The following MAGI2 variants were observed in gnomAD, a reference collection of about 807,000 sequenced individuals.
The protein encoded by MAGI2 is membrane-associated guanylate kinase, WW and PDZ domain-containing protein 2.
Under a neutral mutation model 133.3 loss-of-function variants are expected in MAGI2, and 35 were observed. The observed-to-expected ratio is 0.26, with a 90% confidence interval of 0.20 to 0.35. The LOEUF is 0.35. Ranked by LOEUF, MAGI2 falls within the 10% of genes least tolerant of loss-of-function variation. The pLI is 1.00. For synonymous variants in MAGI2, 729 were observed against 710.6 expected, an observed-to-expected ratio of 1.03 and a Z score of -0.41; for missense variants, 1,636 against 1,863.4, an observed-to-expected ratio of 0.88 and a Z score of 2.25.
chr7:79,216,289 CTCA>C (rs1226047765), intron 1 of MAGI2, among the ~76,000 whole-genome samples: 1 of 151,918 alleles, frequency 6.6e-6, no homozygotes, highest in Non-Finnish European at 1.5e-5. Flanking sequence ...TTTGTAGCTC[CTCA>C]TCCATCCCAC....
intron 21 of MAGI2, among the ~76,000 whole-genome samples, chr7:78,062,951 C>T (rs1813433932): frequency 6.6e-6 from 1 of 152,182 alleles, no homozygotes; most frequent in Non-Finnish European, 1.5e-5. Context: ...ATTCATTATT[C>T]ACCAACCTTC....
intron 4 of MAGI2, among the ~76,000 whole-genome samples, chr7:78,512,288 G>A (rs1795671524): frequency 6.6e-6 from 1 of 152,214 alleles, no homozygotes; most frequent in Non-Finnish European, 1.5e-5. Flanking sequence ...GGAGATATTA[G>A]AATTAGGGAA....
At chr7:79,057,126 C>T (rs989997281) in intron 1 of MAGI2, among the ~76,000 whole-genome samples, 2 of 152,124 alleles carry the variant, frequency 1.3e-5, no homozygotes, top group African/African-American at 2.4e-5. Flanking sequence ...TAAATATCTG[C>T]CACTTGACAT....
intron 1 of MAGI2, among the ~76,000 whole-genome samples, chr7:79,367,612 GA>G (rs1842780795): frequency 2.0e-5 from 3 of 151,884 alleles, no homozygotes; most frequent in Admixed American, 2.0e-4. Flanking sequence ...TGACTTTATA[GA>G]GTCATGGAAA....
chr7:78,195,162 C>T, intron 11 of MAGI2, 99 bp from the exon 12 acceptor site: 4 of 938,164 alleles, frequency 4.3e-6, no homozygotes, highest in Non-Finnish European at 6.2e-6. Context: ...GTGGACTTTT[C>T]TTCCAGGGGA....
At position 78,019,379 on chromosome 7, in the gene MAGI2, T is replaced by G; in HGVS notation, c.4304A>C (p.Lys1435Thr). 7.6e-7 allele frequency: 1 copy of G among 1,318,650 alleles called. No individual in the cohort carries two copies. The allele number at this position is 1,318,650 out of a possible 1,614,324, so 81.7% of individuals were successfully genotyped here. A position where few individuals can be genotyped will look rare whatever the true frequency, so the allele number is the denominator to read the frequency against. The stretch of plus-strand genomic sequence containing the variant: ...GGGCAGCTTGTCAGAACCCGGCACC[T>G]TCCAGGGCCCCGGCGCGACGGCGGC... Reference protein sequence around the residue: ...RKAAVAPGPWKVPGSDKLPSV... With the variant: ...RKAAVAPGPWTVPGSDKLPSV... The change falls in exon 22 of 22, where the codon AAG becomes ACG. Residue 1435 changes from lysine to threonine, a missense_variant. Coordinates refer to ENST00000354212, the MANE Select transcript of MAGI2 (RefSeq NM_012301.4).
At chr7:79,303,051 A>G (rs1203677436) in intron 1 of MAGI2, among the ~76,000 whole-genome samples, 1 of 152,192 alleles carries the variant, frequency 6.6e-6, no homozygotes, top group Non-Finnish European at 1.5e-5. Context: ...TCCCAAACTT[A>G]GCAAAGTTTG....
chr7:78,472,851 G>T (rs563016241), intron 6 of MAGI2, among the ~76,000 whole-genome samples: 2 of 152,064 alleles, frequency 1.3e-5, no homozygotes, highest in Non-Finnish European at 2.9e-5. Flanking sequence ...GAGGAAGCTG[G>T]TGAGCATTAT....
At chr7:78,078,091 T>C (rs1815558451) in intron 21 of MAGI2, 1 of 152,038 alleles carries the variant, frequency 6.6e-6, no homozygotes, top group Non-Finnish European at 1.5e-5. Context: ...TTTATCTTAA[T>C]CAACTTAGAG....
chr7:78,562,051 A>G (rs1563172382), intron 3 of MAGI2, among the ~76,000 whole-genome samples: 1 of 152,172 alleles, frequency 6.6e-6, no homozygotes, highest in Non-Finnish European at 1.5e-5. Context: ...CAAACGCTCT[A>G]TTAGGGTACA....
chr7:78,519,029 C>T (rs2150578317), intron 4 of MAGI2: 1 of 152,088 alleles, frequency 6.6e-6, no homozygotes, highest in East Asian at 1.9e-4. Context: ...TGAGCCTCCG[C>T]ACCTGGCTAG....
At chr7:79,434,446 TA>T (rs1243720891) in intron 1 of MAGI2, among the ~76,000 whole-genome samples, 1 of 152,188 alleles carries the variant, frequency 6.6e-6, no homozygotes, top group Non-Finnish European at 1.5e-5. Context: ...GGAAATATCA[TA>T]ATTTAGATGA....
intron 2 of MAGI2, among the ~76,000 whole-genome samples, chr7:78,713,924 G>A (rs1415734372): frequency 2.6e-5 from 4 of 152,038 alleles, no homozygotes; most frequent in Non-Finnish European, 5.9e-5. Context: ...TTCACAGTTT[G>A]TACTCTCCTT....
intron 3 of MAGI2, among the ~76,000 whole-genome samples, chr7:78,547,858 T>C (rs1176108671): frequency 6.6e-6 from 1 of 152,154 alleles, no homozygotes; most frequent in Non-Finnish European, 1.5e-5. Context: ...CAATATTGAG[T>C]GAACTGATGT....
intron 6 of MAGI2, chr7:78,485,281 C>G (rs562353487): frequency 6.6e-6 from 1 of 152,036 alleles, no homozygotes; most frequent in East Asian, 1.9e-4. Flanking sequence ...TATTAGAATC[C>G]AGTAGTAGGT....
intron 1 of MAGI2, among the ~76,000 whole-genome samples, chr7:79,380,697 C>T (rs567569679): frequency 1.3e-5 from 2 of 151,722 alleles, no homozygotes; most frequent in South Asian, 4.2e-4. Flanking sequence ...ACAATTTTAT[C>T]TGAATTGTCT....
intron 2 of MAGI2, among the ~76,000 whole-genome samples, chr7:78,892,519 T>A (rs1380599793): frequency 6.6e-6 from 1 of 152,138 alleles, no homozygotes; most frequent in African/African-American, 2.4e-5. Context: ...ATGGTACTGG[T>A]ACCAAAACAG....
At chr7:78,261,523 A>T (rs985735136) in intron 9 of MAGI2, among the ~76,000 whole-genome samples, 3 of 152,158 alleles carry the variant, frequency 2.0e-5, no homozygotes, top group African/African-American at 7.2e-5. Context: ...TACTATGTTG[A>T]GAATTCTTCA....
At chr7:78,304,396 T>G (rs369616377) in intron 9 of MAGI2, among the ~76,000 whole-genome samples, 1 of 152,240 alleles carries the variant, frequency 6.6e-6, no homozygotes, top group Non-Finnish European at 1.5e-5. Context: ...CTGATAGTTG[T>G]GTGGCTTGCT....
Sources: gnomAD v4.1 joint callset for allele counts (sites outside exome capture counted in the v4.1 genomes callset) on GRCh38, gnomAD v4.1.1 for gene constraint, MANE v1.5 for transcripts, NCBI Gene and HGNC (gene_info 2026-07-23, HGNC 2026-07-21) for gene names.